SNTG1: variants seen among roughly 807,000 people sequenced by gnomAD.
The protein encoded by SNTG1 is gamma-1-syntrophin.
In SNTG1, 39 loss-of-function variants were observed where a neutral mutation model predicts 74.7. The observed-to-expected ratio is 0.52, with a 90% confidence interval of 0.40 to 0.68. The LOEUF (loss-of-function observed/expected upper bound fraction) is 0.68. Ranked by LOEUF, SNTG1 falls within the 30% of genes least tolerant of loss-of-function variation. The probability of loss-of-function intolerance (pLI) is 0.00; values close to 1 mark genes in which losing one functional copy is unlikely to be tolerated. For missense variants in SNTG1, 685 were observed against 609.5 expected (o/e 1.12, Z -1.30); for synonymous variants, 254 against 217.1 (o/e 1.17, Z -1.49).
chr8:50,688,601 G>T, intron 15 of SNTG1, among the ~76,000 whole-genome samples: 1 of 152,134 alleles, frequency 6.6e-6, no homozygotes, highest in Non-Finnish European at 1.5e-5. Flanking sequence ...GCTCTGTTCT[G>T]TTCCATTGGT....
intron 1 of SNTG1, among the ~76,000 whole-genome samples, chr8:50,148,570 G>A (rs1245819055): frequency 3.3e-5 from 5 of 151,886 alleles, no homozygotes; most frequent in Admixed American, 3.3e-4. Context: ...CCCAGAACAG[G>A]CCCCAGTGTG....
At chr8:50,261,546 G>T (rs998023348) in intron 2 of SNTG1, among the ~76,000 whole-genome samples, 1 of 152,040 alleles carries the variant, frequency 6.6e-6, no homozygotes, top group East Asian at 1.9e-4. Flanking sequence ...CTACTAATCT[G>T]TTAGTTGCTA....
At chr8:50,469,442 C>T in intron 8 of SNTG1, among the ~76,000 whole-genome samples, 1 of 152,108 alleles carries the variant, frequency 6.6e-6, no homozygotes, top group East Asian at 1.9e-4. Context: ...TCCTGAAAAC[C>T]TTCCAGAGGC....
At chr8:50,529,153 T>C (rs1227766894) in intron 9 of SNTG1, among the ~76,000 whole-genome samples, 1 of 151,972 alleles carries the variant, frequency 6.6e-6, no homozygotes, top group Non-Finnish European at 1.5e-5. Flanking sequence ...ATACATTTGC[T>C]TTAAAGTAAT....
At chr8:50,785,688 T>C (rs1484407843) in intron 18 of SNTG1, among the ~76,000 whole-genome samples, 6 of 152,000 alleles carry the variant, frequency 3.9e-5, no homozygotes, top group African/African-American at 7.2e-5. Flanking sequence ...ATTAGCTTCA[T>C]AGCAAAACCA....
chr8:50,313,526 A>G (rs1296403168), intron 2 of SNTG1, among the ~76,000 whole-genome samples: 1 of 149,938 alleles, frequency 6.7e-6, no homozygotes, highest in Non-Finnish European at 1.5e-5. Context: ...AAAAGAAGAC[A>G]TACAAATGGC....
intron 1 of SNTG1, among the ~76,000 whole-genome samples, chr8:49,938,642 TC>T (rs1424127252): frequency 5.5e-5 from 8 of 145,894 alleles, no homozygotes; most frequent in African/African-American, 1.8e-4. Context: ...TTTCTTTCTT[TC>T]CTTCCTCTCT....
At chr8:50,410,724 GACTTTTTTTTAGATT>G (rs2092937561) in intron 4 of SNTG1, among the ~76,000 whole-genome samples, 1 of 152,036 alleles carries the variant, frequency 6.6e-6, no homozygotes, top group Non-Finnish European at 1.5e-5. Context: ...CTGTGGATTG[GACTTTTTTTTAGATT>G]ATGCATGTGC....
intron 1 of SNTG1, among the ~76,000 whole-genome samples, chr8:49,969,342 T>C (rs565490060): frequency 6.6e-6 from 1 of 151,602 alleles, no homozygotes; most frequent in East Asian, 1.9e-4. Flanking sequence ...GTTGTAGAAT[T>C]TACAAAAATT....
intron 2 of SNTG1, among the ~76,000 whole-genome samples, chr8:50,365,382 G>A (rs370765691): frequency 6.6e-6 from 1 of 151,982 alleles, no homozygotes; most frequent in African/African-American, 2.4e-5. Flanking sequence ...TTTTATGTTT[G>A]TCATTTATTA....
chr8:50,720,570 T>C (rs1009021506), intron 17 of SNTG1, among the ~76,000 whole-genome samples: 2 of 152,150 alleles, frequency 1.3e-5, no homozygotes, highest in Non-Finnish European at 2.9e-5. Context: ...AGTCTAAGCA[T>C]TATGAGGGCC....
chr8:50,208,247 C>G (rs939112601), intron 2 of SNTG1, among the ~76,000 whole-genome samples: 8 of 152,168 alleles, frequency 5.3e-5, no homozygotes, highest in Admixed American at 3.9e-4. Context: ...AATCTGTGTG[C>G]TCCTATATTG....
Position 49,930,768 on chromosome 8 carries a change from C to T in SNTG1, c.-103+18537C>T, listed in dbSNP as rs117736004. Among the ~76,000 whole-genome samples, 1,512 of 152,116 alleles carry T rather than the reference C, an allele frequency of 9.9e-3. 11 individuals are homozygous for T. The highest frequency in any genetic ancestry group is 0.016 in the Non-Finnish European group (1,119 of 67,992). On this transcript the variant is annotated intron_variant, in intron 1 of 18. Transcript: ENST00000642720. ...TTAGAAAGGAATACAAAGACACCTGCCATACTTTCCAATATTTGCACACAG... is the reference window on the plus strand; with the variant it reads ...TTAGAAAGGAATACAAAGACACCTGTCATACTTTCCAATATTTGCACACAG...
chr8:50,230,672 G>T (rs1300316112), intron 2 of SNTG1, among the ~76,000 whole-genome samples: 8 of 151,174 alleles, frequency 5.3e-5, no homozygotes, highest in Non-Finnish European at 1.2e-4. Flanking sequence ...TTTAATAAAC[G>T]TTGTAGAGAA....
intron 1 of SNTG1, among the ~76,000 whole-genome samples, chr8:50,025,436 C>T (rs1484848432): frequency 6.6e-6 from 1 of 152,074 alleles, no homozygotes; most frequent in Non-Finnish European, 1.5e-5. Flanking sequence ...TTAATGGAAG[C>T]TAAGAAGTCT....
intron 1 of SNTG1, among the ~76,000 whole-genome samples, chr8:49,930,051 TTTAA>T (rs1370375330): frequency 9.2e-5 from 14 of 152,018 alleles, no homozygotes; most frequent in Non-Finnish European, 1.9e-4. Context: ...GAAGTAATAA[TTTAA>T]TTGTTAGAAA....
chr8:50,445,306 A>AGAG (rs2093396553), intron 5 of SNTG1, among the ~76,000 whole-genome samples: 1 of 152,184 alleles, frequency 6.6e-6, no homozygotes, highest in African/African-American at 2.4e-5. Context: ...TATTCTGTTT[A>AGAG]CAAGTAGTTT....
chr8:50,212,027 T>A (rs1041242235), intron 2 of SNTG1, among the ~76,000 whole-genome samples: 2 of 152,206 alleles, frequency 1.3e-5, no homozygotes, highest in Non-Finnish European at 2.9e-5. Context: ...CATAATAATT[T>A]TAATGAATTA....
chr8:50,031,155 T>A (rs1817710321), intron 1 of SNTG1, among the ~76,000 whole-genome samples: 2 of 152,016 alleles, frequency 1.3e-5, no homozygotes, highest in African/African-American at 4.8e-5. Context: ...CAATTGAGTT[T>A]TTTTCTTACA....
Sources: gnomAD v4.1 joint callset for allele counts (sites outside exome capture counted in the v4.1 genomes callset) on GRCh38, gnomAD v4.1.1 for gene constraint, MANE v1.5 for transcripts, NCBI Gene and HGNC (gene_info 2026-07-23, HGNC 2026-07-21) for gene names.